The following UHRF2 variants were observed in gnomAD, a reference collection of about 807,000 sequenced individuals.
The protein encoded by UHRF2 is ubiquitin like with PHD and ring finger domains 2.
In UHRF2, 23 loss-of-function variants were observed where a neutral mutation model predicts 96.8. That is an observed-to-expected ratio of 0.24 (90% confidence interval 0.17 to 0.34). UHRF2 has a LOEUF of 0.34. Among genes scored for constraint, UHRF2 ranks in the 10% least tolerant of loss-of-function variants. The probability of loss-of-function intolerance (pLI) is 1.00; values close to 1 mark genes in which losing one functional copy is unlikely to be tolerated. For synonymous variants in UHRF2, 385 were observed against 332.6 expected (o/e 1.16, Z -1.72); for missense variants, 685 against 981.5 (o/e 0.70, Z 4.04).
chr9:6,444,180 G>A (rs935881417), intron 3 of UHRF2, among the ~76,000 whole-genome samples: 3 of 152,182 alleles, frequency 2.0e-5, no homozygotes, highest in African/African-American at 7.2e-5. Flanking sequence ...GAGTACAGGA[G>A]GGAACTAGAA....
chr9:6,499,856 G>T lies in UHRF2; in HGVS notation c.1930G>T (p.Asp644Tyr), dbSNP rs1342306331. 6.2e-7 allele frequency: 1 copy of T among 1,610,416 alleles called. No individual in the cohort carries two copies. Among genetic ancestry groups the T allele is most frequent in the Admixed American group, 1.7e-5 (1 of 59,756 alleles). Reference sequence around the variant, plus strand: ...TCAGTATCCAGCAGGTTACCCTTCAGATAAAGAAGGGAAGAAGCCTAAAGG... The same window carrying T: ...TCAGTATCCAGCAGGTTACCCTTCATATAAAGAAGGGAAGAAGCCTAAAGG... ...RLQYPAGYPS[D>Y]KEGKKPKGQS... The change falls in exon 13 of 16, where the codon GAT (aspartate) becomes TAT (tyrosine). Residue 644 changes from aspartate to tyrosine, a missense_variant. By Grantham distance (160) the Asp-to-Tyr change is radical. Transcript: ENST00000276893.
At chr9:6,429,990 G>A (rs542098590) in intron 2 of UHRF2, among the ~76,000 whole-genome samples, 1 of 152,090 alleles carries the variant, frequency 6.6e-6, no homozygotes, top group Non-Finnish European at 1.5e-5. Context: ...TAGATATTTG[G>A]ACAGGGGAAA....
chr9:6,488,251 TAAAAAAAAAAAAAAAAAAAAA>T (rs777979832), intron 9 of UHRF2, among the ~76,000 whole-genome samples: 9 of 52,566 alleles, frequency 1.7e-4, no homozygotes, highest in African/African-American at 4.9e-4. Context: ...CCTGTCTCCT[TAAAAAAAAAAAAAAAAAAAAA>T]AAAAAAAAAA....
chr9:6,442,696 T>C (rs2130793697), intron 3 of UHRF2, among the ~76,000 whole-genome samples: 1 of 151,886 alleles, frequency 6.6e-6, no homozygotes, highest in East Asian at 1.9e-4. Flanking sequence ...CTCACTTTGT[T>C]GCCCAGGCTG....
chr9:6,417,250 T>C (rs1819658942), intron 1 of UHRF2, among the ~76,000 whole-genome samples: 1 of 152,116 alleles, frequency 6.6e-6, no homozygotes, highest in African/African-American at 2.4e-5. Context: ...TTCTTTCAAC[T>C]CAGTAAAATT....
At chr9:6,414,971 T>C (rs1369895631) in intron 1 of UHRF2, among the ~76,000 whole-genome samples, 4 of 152,246 alleles carry the variant, frequency 2.6e-5, no homozygotes, top group Non-Finnish European at 4.4e-5. Flanking sequence ...AAATACTACA[T>C]AGATTTGCTT....
Position 6,421,095 on chromosome 9 carries a change from ACAT to A in UHRF2, c.340_342del (p.Ser114del). The A allele has an allele frequency of 6.2e-7, 1 of 1,614,164 alleles. No individual in the cohort carries two copies. Among genetic ancestry groups the A allele is most frequent in the Non-Finnish European group, 8.5e-7 (1 of 1,180,036 alleles). On this transcript the variant is annotated inframe_deletion, in exon 2 of 16. Coordinates refer to ENST00000276893, the MANE Select transcript of UHRF2 (RefSeq NM_152896.3). ...GGTAGGACCTTCCAATCAGCCATCTACATCAGCTCGTGCCCGTCTTATTGATCC... is the reference window on the plus strand; with the variant it reads ...GGTAGGACCTTCCAATCAGCCATCTACAGCTCGTGCCCGTCTTATTGATCC...
In UHRF2 at chr9:6,462,423, A is replaced by T. The variant is rs545706466; in HGVS notation, c.863+1632A>T. ...AACAAAAGTGTGATTCTATTGCTAG[A>T]CTAAGGGTATAGCTCAGTCACAGAC... On this transcript the variant is annotated intron_variant, in intron 4 of 15. Coordinates refer to ENST00000276893, the MANE Select transcript of UHRF2 (RefSeq NM_152896.3). 2.6e-5 allele frequency among the ~76,000 whole-genome samples: 4 copies of T among 152,308 alleles called. No individual in the cohort carries two copies. In the East Asian group the frequency reaches 7.7e-4, roughly 29 times the overall value.
intron 4 of UHRF2, among the ~76,000 whole-genome samples, chr9:6,474,604 G>A (rs573567998): frequency 7.2e-5 from 11 of 152,294 alleles, no homozygotes; most frequent in Admixed American, 5.2e-4. Flanking sequence ...TACTTGGAAG[G>A]CTGAGGCAGG....
intron 8 of UHRF2, among the ~76,000 whole-genome samples, chr9:6,484,065 C>T (rs1175953944): frequency 6.7e-6 from 1 of 149,102 alleles, no homozygotes; most frequent in African/African-American, 2.5e-5. Flanking sequence ...CTTCTTATTT[C>T]TTTCTTTCTT....
At chr9:6,502,294 C>T (rs147106460) in intron 14 of UHRF2, among the ~76,000 whole-genome samples, 5 of 152,248 alleles carry the variant, frequency 3.3e-5, no homozygotes, top group South Asian at 4.1e-4. Context: ...TAAACATGCT[C>T]GACGTCTTGA....
At chr9:6,505,904 C>G (rs1261831815) in intron 15 of UHRF2, 129 bp from the exon 16 acceptor site, 31 of 941,634 alleles carry the variant, frequency 3.3e-5, no homozygotes, top group Non-Finnish European at 4.7e-5. Context: ...CAGATTCAAG[C>G]CTTTATGTTT....
intron 4 of UHRF2, among the ~76,000 whole-genome samples, chr9:6,470,552 G>T (rs1027500282): frequency 2.0e-5 from 3 of 152,112 alleles, no homozygotes; most frequent in African/African-American, 7.2e-5. Flanking sequence ...ATCGAAATAT[G>T]GGACAGAATT....
Position 6,413,235 on chromosome 9 carries a change from T to C in UHRF2, c.-256T>C, listed in dbSNP as rs921986399. On this transcript the variant is annotated 5_prime_UTR_variant, in exon 1 of 16. Coordinates refer to ENST00000276893, the MANE Select transcript of UHRF2 (RefSeq NM_152896.3). ...CTCTGCGCGGCGCAGACATGGCCTC[T>C]TCCTATCTTTGAGGCGGTGTCTGCG... is the stretch of plus-strand genomic sequence containing the variant. 1 of 178,910 alleles carries C rather than the reference T, an allele frequency of 5.6e-6. No individual in the cohort carries two copies. Among genetic ancestry groups the C allele is most frequent in the Non-Finnish European group, 1.2e-5 (1 of 86,094 alleles). 11.1% of individuals were successfully genotyped at this position (178,910 alleles called of 1,614,324 possible). A position where few individuals can be genotyped will look rare whatever the true frequency, so the allele number is the denominator to read the frequency against.
At chr9:6,428,444 C>G (rs140835054) in intron 2 of UHRF2, among the ~76,000 whole-genome samples, 1 of 150,208 alleles carries the variant, frequency 6.7e-6, no homozygotes, top group East Asian at 2.0e-4. Flanking sequence ...CTTTAACAAC[C>G]TATTAATAAT....
At chr9:6,449,094 A>G (rs1011964821) in intron 3 of UHRF2, among the ~76,000 whole-genome samples, 1 of 152,182 alleles carries the variant, frequency 6.6e-6, no homozygotes, top group South Asian at 2.1e-4. Flanking sequence ...TTCCATTGCA[A>G]ATGGCCTCAT....
At chr9:6,455,394 T>C (rs1822119103) in intron 3 of UHRF2, among the ~76,000 whole-genome samples, 1 of 152,138 alleles carries the variant, frequency 6.6e-6, no homozygotes, top group African/African-American at 2.4e-5. Context: ...CGGTGTTTGG[T>C]TTTTTGTACT....
At chr9:6,433,533 T>A (rs1009494984) in intron 2 of UHRF2, among the ~76,000 whole-genome samples, 1 of 152,212 alleles carries the variant, frequency 6.6e-6, no homozygotes, top group Admixed American at 6.5e-5. Context: ...ATGAAGAAAT[T>A]AATGGAACAG....
Position 6,482,084 on chromosome 9 carries a change from G to A in UHRF2, c.1377G>A (p.Trp459Ter). 6.2e-7 allele frequency: 1 copy of A among 1,613,970 alleles called. No homozygotes were observed. The highest frequency in any genetic ancestry group is 8.5e-7 in the Non-Finnish European group (1 of 1,179,882). Reference protein sequence around the residue: ...PIPGIPVGSTWRFRVQVSEAG... With the variant: ...PIPGIPVGST ...CTGGTATTCCTGTTGGATCAACTTG[G>A]AGATTTAGAGTTCAGGTATGTTTTA... The change falls in exon 8 of 16, where the codon TGG becomes TGA. Residue 459 changes from tryptophan (W) to a stop codon, truncating the protein, a stop_gained. Coordinates refer to ENST00000276893, the MANE Select transcript of UHRF2 (RefSeq NM_152896.3). LOFTEE classifies it high-confidence loss of function.
Sources: gnomAD v4.1 joint callset for allele counts (sites outside exome capture counted in the v4.1 genomes callset) on GRCh38, gnomAD v4.1.1 for gene constraint, MANE v1.5 for transcripts, NCBI Gene and HGNC (gene_info 2026-07-23, HGNC 2026-07-21) for gene names.